NBPF11: variants seen among roughly 807,000 people sequenced by gnomAD.
The protein encoded by NBPF11 is NBPF member 11.
In NBPF11, 72 loss-of-function variants were observed where a neutral mutation model predicts 93.9. The observed-to-expected ratio is 0.77, with a 90% CI of 0.63 to 0.93. The LOEUF (loss-of-function observed/expected upper bound fraction) is 0.93. NBPF11 is among the 40% of genes least tolerant of loss of function. The pLI is 0.00. For missense variants in NBPF11, 705 were observed against 802.2 expected (o/e 0.88, Z 1.46); for synonymous variants, 224 against 304.9 (o/e 0.73, Z 2.76).
intron 1 of NBPF11, among the ~76,000 whole-genome samples, chr1:148,147,087 G>T (rs1370619068): frequency 6.6e-6 from 1 of 152,154 alleles, no homozygotes; most frequent in African/African-American, 2.4e-5. Context: ...TGGGTGTGCA[G>T]GTGCCGCCTC....
At chr1:148,145,666 C>T (rs1174826451) in intron 1 of NBPF11, among the ~76,000 whole-genome samples, 1 of 151,600 alleles carries the variant, frequency 6.6e-6, no homozygotes, top group Non-Finnish European at 1.5e-5. Flanking sequence ...GTCACTTGAG[C>T]CCAGGAATTC....
intron 22 of NBPF11, 73 bp from the exon 23 acceptor site, chr1:148,104,718 C>A: frequency 5.8e-6 from 2 of 342,320 alleles, no homozygotes; most frequent in South Asian, 4.9e-5. Context: ...ACTGTCTAAT[C>A]CTCACACAGG....
chr1:148,103,844 GAAT>G lies in NBPF11; in HGVS notation c.*49_*51del. On this transcript the variant is annotated 3_prime_UTR_variant, in exon 24 of 24. Transcript: ENST00000682118. ...TAGTTCAAAGTACATTGATGGAGTCGAATAATATCTATCCAGTGAGTCCTGTAA... is the reference window on the plus strand; with the variant it reads ...TAGTTCAAAGTACATTGATGGAGTCGAATATCTATCCAGTGAGTCCTGTAA... 4 of 1,611,360 alleles carry G rather than the reference GAAT, an allele frequency of 2.5e-6. No individual in the cohort carries two copies. The highest frequency in any genetic ancestry group is 3.4e-6 in the Non-Finnish European group (4 of 1,179,394).
rs1668040931 is a variant in NBPF11, at chr1:148,122,240, T to G, written c.593A>C (p.Lys198Thr). The G allele has an allele frequency of 6.2e-7, 1 of 1,611,602 alleles. No homozygotes were observed. The highest frequency in any genetic ancestry group is 8.5e-7 in the Non-Finnish European group (1 of 1,179,656). ...PREVQKAEES[K>T]VPEDSLEECA... Reference sequence around the variant, plus strand: ...TTCCTCCAGTGAGTCCTCAGGGACTTTGCTCTCTTCAGCCTTCTGCACCTC... The same window carrying G: ...TTCCTCCAGTGAGTCCTCAGGGACTGTGCTCTCTTCAGCCTTCTGCACCTC... The change falls in exon 9 of 24, where the codon AAA becomes ACA. Residue 198 changes from lysine (K) to threonine (T), a missense_variant. Around this residue, in one of 12 missense-constraint regions of NBPF11, gnomAD observed 262 missense variants for 223.1 expected, o/e 1.17. Coordinates refer to ENST00000682118, the MANE Select transcript of NBPF11 (RefSeq NM_001385469.3).
At chr1:148,151,476 G>T (rs1320752623) in intron 1 of NBPF11, among the ~76,000 whole-genome samples, 1 of 152,018 alleles carries the variant, frequency 6.6e-6, no homozygotes, top group Non-Finnish European at 1.5e-5. Context: ...AAGCTGCTCC[G>T]TCCCTCCACC....
chr1:148,146,300 C>T (rs1165436536), intron 1 of NBPF11: 99 of 1,349,446 alleles, frequency 7.3e-5, no homozygotes, highest in Non-Finnish European at 8.8e-5. Context: ...CCCCTGCCCG[C>T]GACTCGGAGC....
Position 148,134,120 on chromosome 1 carries a change from C to A in NBPF11, c.-36+1552G>T, listed in dbSNP as rs1379236209. 8.6e-5 allele frequency among the ~76,000 whole-genome samples: 13 copies of A among 151,944 alleles called. 1 individual carries two copies. The highest frequency in any genetic ancestry group is 1.3e-4 in the Non-Finnish European group (9 of 68,020). ...CTGTAGAGGAGAGGCGCCACAGGAC[C>A]TTTACATGCACGCCGCTGTTCCCCT... On this transcript the variant is annotated intron_variant, in intron 4 of 23. Transcript: ENST00000682118.
intron 5 of NBPF11, among the ~76,000 whole-genome samples, chr1:148,126,472 G>C (rs1571460444): frequency 6.6e-6 from 1 of 151,718 alleles, no homozygotes; most frequent in Non-Finnish European, 1.5e-5. Flanking sequence ...CTGAATAAAA[G>C]TTCACTAGTC....
chr1:148,141,877 A>G (rs1478643853), intron 2 of NBPF11, among the ~76,000 whole-genome samples: 3 of 151,994 alleles, frequency 2.0e-5, no homozygotes, highest in African/African-American at 7.3e-5. Flanking sequence ...AGAGATTTTG[A>G]TAAGCAATGT....
intron 23 of NBPF11, among the ~76,000 whole-genome samples, 186 bp from the exon 24 acceptor site, chr1:148,104,098 AAGAC>A (rs1459253317): frequency 2.1e-5 from 3 of 143,904 alleles, no homozygotes; most frequent in South Asian, 2.2e-4. Flanking sequence ...ATGAAAGAGA[AAGAC>A]AGAGAGAGAG....
intron 14 of NBPF11, 125 bp from the exon 15 acceptor site, chr1:148,114,613 G>C (rs1666038772): frequency 2.2e-6 from 1 of 464,250 alleles, no homozygotes; most frequent in African/African-American, 2.4e-5. Flanking sequence ...ATTCTGACAG[G>C]AATATTCTAG....
At chr1:148,139,271 G>A (rs1210030740) in intron 2 of NBPF11, among the ~76,000 whole-genome samples, 1 of 148,330 alleles carries the variant, frequency 6.7e-6, no homozygotes, top group Non-Finnish European at 1.5e-5. Context: ...TTCAAGGAGA[G>A]CCATAAACAG....
chr1:148,147,932 C>T (rs1673459211), intron 1 of NBPF11, among the ~76,000 whole-genome samples: 3 of 152,052 alleles, frequency 2.0e-5, no homozygotes, highest in Middle Eastern at 3.2e-3. Context: ...GCCCCTTTGT[C>T]CTGCAGGAAC....
intron 14 of NBPF11, among the ~76,000 whole-genome samples, chr1:148,115,397 G>A (rs1315090238): frequency 1.3e-5 from 2 of 149,792 alleles, no homozygotes; most frequent in East Asian, 2.0e-4. Context: ...AGTGAAACCT[G>A]GGGAAAAATA....
At chr1:148,107,455 C>G (rs1663987146) in intron 19 of NBPF11, among the ~76,000 whole-genome samples, 1 of 151,560 alleles carries the variant, frequency 6.6e-6, no homozygotes, top group Non-Finnish European at 1.5e-5. Flanking sequence ...AATAATTTTC[C>G]ATAAACTTGC....
At chr1:148,111,219 A>G (rs1414658460) in intron 15 of NBPF11, among the ~76,000 whole-genome samples, 1 of 152,118 alleles carries the variant, frequency 6.6e-6, no homozygotes, top group African/African-American at 2.4e-5. Context: ...TCAACAAAAA[A>G]GACATCCACC....
chr1:148,125,214 G>A (rs1349071234), intron 5 of NBPF11, among the ~76,000 whole-genome samples: 10 of 151,950 alleles, frequency 6.6e-5, no homozygotes, highest in African/African-American at 2.2e-4. Flanking sequence ...AAACTCAAGG[G>A]CGCATCAAGG....
chr1:148,116,842 T>A (rs1666678880), intron 12 of NBPF11, among the ~76,000 whole-genome samples: 1 of 152,104 alleles, frequency 6.6e-6, no homozygotes, highest in South Asian at 2.1e-4. Flanking sequence ...TCCTGCCAGA[T>A]CTGATTCCCA....
intron 2 of NBPF11, among the ~76,000 whole-genome samples, chr1:148,143,029 T>G (rs1672449817): frequency 6.8e-6 from 1 of 146,672 alleles, no homozygotes; most frequent in African/African-American, 2.6e-5. Flanking sequence ...AGGGAGGGGG[T>G]GAGCCATGAA....
Sources: gnomAD v4.1 joint callset for allele counts (sites outside exome capture counted in the v4.1 genomes callset) on GRCh38, gnomAD v4.1.1 for gene constraint, gnomAD v4.1.1 regional missense constraint, MANE v1.5 for transcripts, NCBI Gene and HGNC (gene_info 2026-07-23, HGNC 2026-07-21) for gene names.